Variants in HS6ST3 observed in about 807,000 individuals in gnomAD.
HS6ST3 encodes the protein heparan sulfate 6-O-sulfotransferase 3, also known as heparan-sulfate 6-O-sulfotransferase 3.
HS6ST3 carries 12 observed loss-of-function variants against 36.7 expected under a neutral mutation model. That is an observed-to-expected ratio of 0.33 (90% CI 0.21 to 0.53). The LOEUF (loss-of-function observed/expected upper bound fraction) is 0.53, where lower values mean the gene tolerates loss of function less well. Among genes scored for constraint, HS6ST3 ranks in the 20% least tolerant of loss-of-function variants. HS6ST3 has a pLI of 0.95. For missense variants in HS6ST3, 584 were observed against 640.9 expected (o/e 0.91, Z 0.96); for synonymous variants, 240 against 257.5 (o/e 0.93, Z 0.65).
chr13:96,212,608 G>A (rs1368516266), intron 1 of HS6ST3, among the ~76,000 whole-genome samples: 1 of 152,212 alleles, frequency 6.6e-6, no homozygotes, highest in Non-Finnish European at 1.5e-5. Context: ...GGGTGGCTGA[G>A]GTGGGAGGGT....
chr13:96,519,903 C>T (rs1356415453), intron 1 of HS6ST3, among the ~76,000 whole-genome samples: 3 of 152,078 alleles, frequency 2.0e-5, no homozygotes, highest in African/African-American at 7.2e-5. Context: ...TACTTTTGGA[C>T]CCTTCAATAT....
At chr13:96,278,033 G>A (rs576514678) in intron 1 of HS6ST3, among the ~76,000 whole-genome samples, 14 of 152,172 alleles carry the variant, frequency 9.2e-5, no homozygotes, top group Non-Finnish European at 1.9e-4. Flanking sequence ...GTTAATACAG[G>A]AGGTATTTTA....
At chr13:96,712,027 A>C (rs1875575947) in intron 1 of HS6ST3, among the ~76,000 whole-genome samples, 1 of 152,178 alleles carries the variant, frequency 6.6e-6, no homozygotes, top group South Asian at 2.1e-4. Flanking sequence ...TATAAAATAT[A>C]TGTATTGTGT....
chr13:96,186,410 C>T (rs1221167302), intron 1 of HS6ST3, among the ~76,000 whole-genome samples: 1 of 152,176 alleles, frequency 6.6e-6, no homozygotes, highest in East Asian at 1.9e-4. Flanking sequence ...TAATCTGCCA[C>T]TGGTATCCTT....
At chr13:96,358,623 T>C (rs115133889) in intron 1 of HS6ST3, among the ~76,000 whole-genome samples, 3,355 of 152,010 alleles carry the variant, frequency 0.022, 120 homozygotes, top group African/African-American at 0.078. Flanking sequence ...GGAGTTCGGA[T>C]AGTGGGTTAA....
intron 1 of HS6ST3, among the ~76,000 whole-genome samples, chr13:96,731,661 G>GT (rs1266504539): frequency 1.1e-3 from 168 of 146,584 alleles, no homozygotes; most frequent in Admixed American, 2.3e-3. Flanking sequence ...AGTTTGTTTT[G>GT]TTTTTTTTTT....
chr13:96,552,010 A>G (rs956506711), intron 1 of HS6ST3, among the ~76,000 whole-genome samples: 1 of 152,238 alleles, frequency 6.6e-6, no homozygotes, highest in East Asian at 1.9e-4. Flanking sequence ...ATTCTGAGCT[A>G]TAGGAATACA....
chr13:96,162,030 T>C (rs1251232003), intron 1 of HS6ST3, among the ~76,000 whole-genome samples: 9 of 152,156 alleles, frequency 5.9e-5, no homozygotes, highest in Non-Finnish European at 8.8e-5. Flanking sequence ...AAGAACCTAC[T>C]TAAAGATCTT....
intron 1 of HS6ST3, among the ~76,000 whole-genome samples, chr13:96,547,938 G>A (rs574241150): frequency 5.8e-4 from 88 of 152,068 alleles, no homozygotes; most frequent in Non-Finnish European, 1.1e-3. Context: ...GGCACCCAAG[G>A]AAGTCATAAC....
At chr13:96,754,994 C>A (rs1876788151) in intron 1 of HS6ST3, among the ~76,000 whole-genome samples, 1 of 151,838 alleles carries the variant, frequency 6.6e-6, no homozygotes, top group Non-Finnish European at 1.5e-5. Flanking sequence ...TTCTTACTTT[C>A]TTAATTTTTT....
chr13:96,634,744 T>A (rs1282275542), intron 1 of HS6ST3, among the ~76,000 whole-genome samples: 3 of 152,196 alleles, frequency 2.0e-5, no homozygotes, highest in African/African-American at 7.2e-5. Flanking sequence ...TCTCATCATT[T>A]GCAGAGGTGC....
chr13:96,655,640 A>T (rs2056622120), intron 1 of HS6ST3, among the ~76,000 whole-genome samples: 1 of 152,060 alleles, frequency 6.6e-6, no homozygotes, highest in African/African-American at 2.4e-5. Context: ...TTTTTGATTG[A>T]CAAAAGTCAC....
At chr13:96,806,285 T>C (rs1878196146) in intron 1 of HS6ST3, among the ~76,000 whole-genome samples, 1 of 152,244 alleles carries the variant, frequency 6.6e-6, no homozygotes, top group African/African-American at 2.4e-5. Context: ...GATTAATGCA[T>C]ATATTCATGC....
At chr13:96,605,900 AAAAAATGGGC>A (rs2056437074) in intron 1 of HS6ST3, among the ~76,000 whole-genome samples, 1 of 151,512 alleles carries the variant, frequency 6.6e-6, no homozygotes, top group African/African-American at 2.4e-5. Flanking sequence ...AAAAAAAATT[AAAAAATGGGC>A]AAAGGACAGG....
intron 1 of HS6ST3, among the ~76,000 whole-genome samples, chr13:96,626,808 A>C (rs2056514042): frequency 6.6e-6 from 1 of 152,066 alleles, no homozygotes; most frequent in South Asian, 2.1e-4. Context: ...AGTACTAAAC[A>C]TTGTTTGATG....
chr13:96,550,133 T>C (rs1411715727), intron 1 of HS6ST3, among the ~76,000 whole-genome samples: 1 of 152,164 alleles, frequency 6.6e-6, no homozygotes, highest in African/African-American at 2.4e-5. Context: ...CCCCTCCAAA[T>C]TGCATGTTAT....
At chr13:96,180,754 C>G (rs1387382096) in intron 1 of HS6ST3, among the ~76,000 whole-genome samples, 17 of 26,876 alleles carry the variant, frequency 6.3e-4, no homozygotes, top group Admixed American at 4.3e-3. Flanking sequence ...GATTAAGAGT[C>G]TGAGGCTTAA....
chr13:96,177,178 G>A (rs1264119469), intron 1 of HS6ST3, among the ~76,000 whole-genome samples: 1 of 152,178 alleles, frequency 6.6e-6, no homozygotes, highest in Non-Finnish European at 1.5e-5. Context: ...TGGTGTGAGT[G>A]TAAATTAGTT....
intron 1 of HS6ST3, among the ~76,000 whole-genome samples, chr13:96,101,832 G>A (rs965154604): frequency 1.3e-5 from 2 of 152,148 alleles, no homozygotes; most frequent in Non-Finnish European, 2.9e-5. Flanking sequence ...CTTACACGGA[G>A]CTGTCTTTTC....
Sources: allele counts gnomAD v4.1 joint callset (sites outside exome capture counted in the v4.1 genomes callset), GRCh38; gene constraint gnomAD v4.1.1; transcripts MANE v1.5; gene names NCBI Gene and HGNC (gene_info 2026-07-23, HGNC 2026-07-21).